The following EEPD1 variants were observed in gnomAD, a reference collection of about 807,000 sequenced individuals.
EEPD1 encodes the protein endonuclease/exonuclease/phosphatase family domain containing 1.
EEPD1 carries 17 observed loss-of-function variants against 46.3 expected under a neutral mutation model. The observed-to-expected ratio is 0.37, with a 90% CI of 0.25 to 0.55. The LOEUF is 0.55. EEPD1 is among the 20% of genes least tolerant of loss of function. EEPD1 has a pLI of 0.83. For synonymous variants in EEPD1, 313 were observed against 315.6 expected (o/e 0.99, Z 0.09); for missense variants, 673 against 745.6 (o/e 0.90, Z 1.13).
At chr7:36,219,804 A>AGTGTGT (rs770071168) in intron 2 of EEPD1, among the ~76,000 whole-genome samples, 7,956 of 87,336 alleles carry the variant, frequency 0.091, 238 homozygotes, top group Admixed American at 0.16. Context: ...AGAGAGAGAG[A>AGTGTGT]GAGTGTGTGT....
chr7:36,169,297 T>C (rs1489427549), intron 2 of EEPD1, among the ~76,000 whole-genome samples: 1 of 152,218 alleles, frequency 6.6e-6, no homozygotes, highest in Non-Finnish European at 1.5e-5. Context: ...TTTAACTTTT[T>C]GAGGGACTGC....
At chr7:36,172,506 G>C (rs1390928581) in intron 2 of EEPD1, among the ~76,000 whole-genome samples, 2 of 151,818 alleles carry the variant, frequency 1.3e-5, no homozygotes, top group African/African-American at 4.8e-5. Context: ...ATCCTTTCCA[G>C]TATCCTTTAT....
rs1787393790 is a variant in EEPD1, at chr7:36,289,551, G to A, written c.1315+1774G>A. ...TGTGTGTCGCCCAGGCTGGAGTGCA[G>A]AGGCACGATCTCGGCTCACTGCAAG... On this transcript the variant is annotated intron_variant, in intron 6 of 7. Transcript: ENST00000242108. Among the ~76,000 whole-genome samples the A allele has an allele frequency of 3.3e-5, 5 of 152,214 alleles. No homozygotes were observed. The South Asian group carries it at 1.0e-3, about 31-fold the overall frequency.
rs910116213 is a variant in EEPD1, at chr7:36,197,478, C to A, written c.879-41507C>A. Among the ~76,000 whole-genome samples the A allele has an allele frequency of 9.9e-5, 15 of 152,166 alleles. 1 individual carries two copies. In the East Asian group the frequency reaches 1.9e-3, roughly 20 times the overall value. ...CAGTTTTGTGGAATAGAAAAGGGGG[C>A]AAGGTGGGGAAAAGATTGAGAAATT... On this transcript the variant is annotated intron_variant, in intron 2 of 7. Coordinates refer to ENST00000242108, the MANE Select transcript of EEPD1 (RefSeq NM_030636.3).
chr7:36,223,319 C>T (rs980444226), intron 2 of EEPD1, among the ~76,000 whole-genome samples: 5 of 152,122 alleles, frequency 3.3e-5, no homozygotes, highest in African/African-American at 7.2e-5. Context: ...CGCATCTCTT[C>T]CCAGCTCCAC....
chr7:36,252,319 T>G (rs1338461243), intron 3 of EEPD1, among the ~76,000 whole-genome samples: 3 of 152,214 alleles, frequency 2.0e-5, no homozygotes, highest in Admixed American at 6.5e-5. Flanking sequence ...CCAGGTTTAT[T>G]CTGGCGGTGA....
chr7:36,229,209 A>G (rs1385176630), intron 2 of EEPD1: 3 of 152,402 alleles, frequency 2.0e-5, no homozygotes, highest in African/African-American at 7.2e-5. Flanking sequence ...GGGTCTTCAC[A>G]TTCTTCTCTT....
chr7:36,154,705 G>A lies in EEPD1; in HGVS notation c.381G>A (p.Leu127=), dbSNP rs1458683331. 1 of 1,613,880 alleles carries A rather than the reference G, an allele frequency of 6.2e-7. No individual in the cohort carries two copies. Residue 127 remains leucine (L), a synonymous_variant, in exon 2 of 8, where the codon CTG becomes CTA. Transcript: ENST00000242108. The surrounding 1 kb of genome is among the most constrained non-coding windows in gnomAD (Gnocchi z 4.2). ...TAGCGGAGCAGCAGCCTCACCACCT[G>A]GCCACAGCTGTGCCCCTCACCCCAC... ...DLLAEQQPHH[L]ATAVPLTPRV...
At chr7:36,183,888 TATTTTTAAAAAAATGTG>T (rs1785318219) in intron 2 of EEPD1, among the ~76,000 whole-genome samples, 1 of 135,418 alleles carries the variant, frequency 7.4e-6, no homozygotes. Flanking sequence ...TTTTTTTTTT[TATTTTTAAAAAAATGTG>T]TGTTGTTGTT....
Position 36,155,164 on chromosome 7 carries a change from G to C in EEPD1, c.840G>C (p.Gly280=), listed in dbSNP as rs1414506121. ...GCSVEKANNP[G]VREVVCMTLL... is the part of the protein sequence containing the mutation. ...CCGTGGAGAAGGCCAACAACCCCGG[G>C]GTGCGAGAGGTGGTGTGCATGACAC... is the stretch of plus-strand genomic sequence containing the variant. Residue 280 remains glycine, a synonymous_variant, in exon 2 of 8, where the codon GGG becomes GGC. Coordinates refer to ENST00000242108, the MANE Select transcript of EEPD1 (RefSeq NM_030636.3). The C allele has an allele frequency of 1.3e-6, 2 of 1,521,120 alleles. No individual in the cohort carries two copies. Among genetic ancestry groups the C allele is most frequent in the Non-Finnish European group, 1.8e-6 (2 of 1,135,764 alleles). 94.2% of individuals were successfully genotyped at this position (1,521,120 alleles called of 1,614,324 possible).
chr7:36,206,791 A>G (rs935812985), intron 2 of EEPD1, among the ~76,000 whole-genome samples: 2 of 152,182 alleles, frequency 1.3e-5, no homozygotes, highest in Non-Finnish European at 2.9e-5. Flanking sequence ...GCTCATGCCT[A>G]TAATCCCAGC....
At position 36,259,540 on chromosome 7, in the gene EEPD1, A is replaced by T. The variant is rs551719443; in HGVS notation, c.930+20504A>T. On this transcript the variant is annotated intron_variant, in intron 3 of 7. Transcript: ENST00000242108. ...TTTTTTTTCTTTGAGACAGGGTCTCACTCTGGTTGCCCAGGCTGGAGTGCA... is the reference window on the plus strand; with the variant it reads ...TTTTTTTTCTTTGAGACAGGGTCTCTCTCTGGTTGCCCAGGCTGGAGTGCA... 2.0e-5 allele frequency among the ~76,000 whole-genome samples: 3 copies of T among 152,022 alleles called. No homozygotes were observed. In the East Asian group the frequency reaches 5.8e-4, roughly 29 times the overall value.
chr7:36,207,888 GTTTTT>G (rs35062290), intron 2 of EEPD1, among the ~76,000 whole-genome samples: 7 of 122,180 alleles, frequency 5.7e-5, no homozygotes, highest in Non-Finnish European at 8.4e-5. Flanking sequence ...CAGTGCAGGA[GTTTTT>G]TTTTTTTTTT....
Position 36,284,805 on chromosome 7 carries a change from C to T in EEPD1, c.1161C>T (p.Tyr387=), listed in dbSNP as rs922244268. ...GGAAGCTGGCGGGCCCCAGCCCATA[C>T]CTCGGGAGGTTCAAGGTACCCGCTC... The part of the protein sequence containing the change: ...GHGKLAGPSP[Y]LGRFKVGSHD... The change falls in exon 5 of 8, where the codon TAC becomes TAT. Residue 387 remains tyrosine (Y), a synonymous_variant. Coordinates refer to ENST00000242108, the MANE Select transcript of EEPD1 (RefSeq NM_030636.3). 4 of 1,541,652 alleles carry T rather than the reference C, an allele frequency of 2.6e-6. No individual in the cohort carries two copies. The highest frequency in any genetic ancestry group is 2.0e-5 in the Admixed American group (1 of 50,552).
At chr7:36,245,455 A>AC (rs935760207) in intron 3 of EEPD1, among the ~76,000 whole-genome samples, 1 of 152,032 alleles carries the variant, frequency 6.6e-6, no homozygotes, top group Admixed American at 6.6e-5. Flanking sequence ...ATACACAGAG[A>AC]CCCCCAAGGC....
At chr7:36,234,523 T>C (rs1333762721) in intron 2 of EEPD1, among the ~76,000 whole-genome samples, 1 of 151,854 alleles carries the variant, frequency 6.6e-6, no homozygotes, top group Admixed American at 6.6e-5. Context: ...AATACAAAAA[T>C]TAGCCTGGTG....
At chr7:36,164,465 G>A (rs375577736) in intron 2 of EEPD1, among the ~76,000 whole-genome samples, 1 of 152,226 alleles carries the variant, frequency 6.6e-6, no homozygotes, top group Non-Finnish European at 1.5e-5. Context: ...TTTACAAAGG[G>A]AATGGGGACA....
In EEPD1 at chr7:36,160,682, G is replaced by GGT. The variant is rs1491231073; in HGVS notation, c.878+5480_878+5481insGT. On this transcript the variant is annotated intron_variant, in intron 2 of 7. Coordinates refer to ENST00000242108, the MANE Select transcript of EEPD1 (RefSeq NM_030636.3). ...TCTGACTGCTGGGAGGTGGTGGGGG[G>GGT]CGGGGCGTGCATGGAGAGGGTCCTG... is the stretch of plus-strand genomic sequence containing the variant. Among the ~76,000 whole-genome samples, 34 of 140,026 alleles carry GGT rather than the reference G, an allele frequency of 2.4e-4. 3 individuals are homozygous for GGT. The highest frequency in any genetic ancestry group is 1.4e-3 in the East Asian group (7 of 5,106). 91.9% of individuals were successfully genotyped at this position (140,026 alleles called of 152,430 possible).
chr7:36,182,543 T>A (rs1169745404), intron 2 of EEPD1, among the ~76,000 whole-genome samples: 1 of 152,246 alleles, frequency 6.6e-6, no homozygotes, highest in Non-Finnish European at 1.5e-5. Flanking sequence ...AGTTTAAAGT[T>A]ACATAAATAG....
Sources: allele counts gnomAD v4.1 joint callset (sites outside exome capture counted in the v4.1 genomes callset), GRCh38; gene constraint gnomAD v4.1.1; non-coding constraint Gnocchi (gnomAD v3.1); transcripts MANE v1.5; gene names NCBI Gene and HGNC (gene_info 2026-07-23, HGNC 2026-07-21).